PGPEP1L: variants seen among roughly 807,000 people sequenced by gnomAD.
PGPEP1L encodes the protein pyroglutamyl-peptidase I like, also known as pyroglutamyl-peptidase 1-like protein.
PGPEP1L carries 7 observed loss-of-function variants against 6.0 expected under a neutral mutation model. The ratio of observed to expected loss-of-function variants is 1.17; its 90% CI spans 0.66 to 2.19. PGPEP1L has a LOEUF of 2.19. Ranked by LOEUF, PGPEP1L falls within the 30% of genes most tolerant of loss-of-function variation. The probability of loss-of-function intolerance (pLI) is 0.00; values close to 1 mark genes in which losing one functional copy is unlikely to be tolerated. For synonymous variants in PGPEP1L, 103 were observed against 83.9 expected (o/e 1.23, Z -1.24); for missense variants, 209 against 192.5 (o/e 1.09, Z -0.51).
At chr15:98,995,265 G>A (rs1397718729) in intron 2 of PGPEP1L, among the ~76,000 whole-genome samples, 2 of 152,032 alleles carry the variant, frequency 1.3e-5, no homozygotes, top group Admixed American at 6.6e-5. Flanking sequence ...AGTATCTTCA[G>A]ATCTGTCTTC....
intron 2 of PGPEP1L, among the ~76,000 whole-genome samples, chr15:98,984,009 C>CTTTTTT (rs71456904): frequency 2.3e-4 from 27 of 115,730 alleles, no homozygotes; most frequent in African/African-American, 2.1e-4. Flanking sequence ...AGTAAGTAGT[C>CTTTTTT]TTTTTTTTTT....
intron 2 of PGPEP1L, among the ~76,000 whole-genome samples, chr15:98,984,038 T>C (rs796469177): frequency 2.6e-4 from 39 of 149,722 alleles, no homozygotes; most frequent in African/African-American, 9.4e-4. Flanking sequence ...TTTTTTCTAT[T>C]TTGAGTCTCA....
chr15:98,981,517 AC>A (rs1374448084), intron 2 of PGPEP1L, among the ~76,000 whole-genome samples: 1 of 141,816 alleles, frequency 7.1e-6, no homozygotes, highest in Admixed American at 7.0e-5. Flanking sequence ...CAAAAACAAA[AC>A]AAAAACAACA....
At chr15:98,999,235 T>C (rs527803863) in intron 2 of PGPEP1L, among the ~76,000 whole-genome samples, 31 of 152,184 alleles carry the variant, frequency 2.0e-4, no homozygotes, top group Non-Finnish European at 3.2e-4. Flanking sequence ...TAAAGAACTC[T>C]TGAAACTCAA....
Position 99,005,460 on chromosome 15 carries a change from C to G in PGPEP1L, c.-173G>C, listed in dbSNP as rs1459248753. On this transcript the variant is annotated 5_prime_UTR_variant, in exon 2 of 5. The change abolishes an upstream ATG in the 5' untranslated region. Coordinates refer to ENST00000535714, the MANE Select transcript of PGPEP1L (RefSeq NM_001167902.2). ...CCACCACGCAGCTGGGCTGGGAATC[C>G]ATGAAGACGAAGTGGGAGCTCGCGC... 2.0e-5 allele frequency: 3 copies of G among 152,544 alleles called. No homozygotes were observed. Among genetic ancestry groups the G allele is most frequent in the Non-Finnish European group, 4.4e-5 (3 of 68,076 alleles). The allele number at this position is 152,544 out of a possible 1,614,324, so 9.4% of individuals were successfully genotyped here.
intron 2 of PGPEP1L, chr15:99,001,206 A>G (rs1555472973): frequency 7.3e-6 from 3 of 413,610 alleles, no homozygotes; most frequent in Non-Finnish European, 1.5e-5. Flanking sequence ...CCGCGGCTTC[A>G]TTCTTGAAGT....
intron 2 of PGPEP1L, among the ~76,000 whole-genome samples, chr15:98,973,885 A>G (rs1350357603): frequency 6.6e-6 from 1 of 152,228 alleles, no homozygotes; most frequent in African/African-American, 2.4e-5. Context: ...AAACTAAAAA[A>G]GCAATACAAA....
chr15:98,999,802 G>A (rs2017934914), intron 2 of PGPEP1L, among the ~76,000 whole-genome samples: 1 of 152,242 alleles, frequency 6.6e-6, no homozygotes, highest in South Asian at 2.1e-4. Flanking sequence ...ACAAAATGTG[G>A]TATAATCCAC....
At chr15:98,981,003 TC>T (rs2017650945) in intron 2 of PGPEP1L, among the ~76,000 whole-genome samples, 1 of 151,578 alleles carries the variant, frequency 6.6e-6, no homozygotes, top group African/African-American at 2.4e-5. Context: ...CCAAGTAAGA[TC>T]AAGGTCATCA....
chr15:98,984,009 C>CTTTTTTTT (rs71456904), intron 2 of PGPEP1L, among the ~76,000 whole-genome samples: 66 of 115,732 alleles, frequency 5.7e-4, no homozygotes, highest in Admixed American at 7.4e-4. Context: ...AGTAAGTAGT[C>CTTTTTTTT]TTTTTTTTTT....
intron 2 of PGPEP1L, among the ~76,000 whole-genome samples, chr15:98,996,513 T>C (rs1327266903): frequency 1.6e-5 from 1 of 64,464 alleles, no homozygotes; most frequent in African/African-American, 6.9e-5. Flanking sequence ...CATGCATGTG[T>C]ATATAGGGGT....
chr15:98,985,109 G>A (rs1039945382), intron 2 of PGPEP1L, among the ~76,000 whole-genome samples: 16 of 152,178 alleles, frequency 1.1e-4, no homozygotes, highest in Admixed American at 8.5e-4. Context: ...CAGAGCTTGA[G>A]GAGGGGCAAA....
Position 98,982,233 on chromosome 15 carries a change from C to G in PGPEP1L, c.-141-11075G>C, listed in dbSNP as rs563622481. Among the ~76,000 whole-genome samples, 4 of 152,352 alleles carry G rather than the reference C, an allele frequency of 2.6e-5. 1 individual carries two copies. In the South Asian group the frequency reaches 8.3e-4, roughly 32 times the overall value. On this transcript the variant is annotated intron_variant, in intron 2 of 4. Coordinates refer to ENST00000535714, the MANE Select transcript of PGPEP1L (RefSeq NM_001167902.2). ...TCCTCCACCAAGGTGTGGATTCCAT[C>G]TGCACTCGCCTCGATCCTTGGGAGC... is the stretch of plus-strand genomic sequence containing the variant.
rs2018038355 is a variant in PGPEP1L, at chr15:99,005,432, T to C, written c.-145A>G. On this transcript the variant is annotated 5_prime_UTR_variant, in exon 2 of 5. Coordinates refer to ENST00000535714, the MANE Select transcript of PGPEP1L (RefSeq NM_001167902.2). ...GAAAAAAATTATGTAGTCTTACCAG[T>C]CACCACCACGCAGCTGGGCTGGGAA... The C allele has an allele frequency of 6.6e-6, 1 of 152,570 alleles. No individual in the cohort carries two copies. Among genetic ancestry groups the C allele is most frequent in the Non-Finnish European group, 1.5e-5 (1 of 68,096 alleles). The allele number at this position is 152,570 out of a possible 1,614,324, so 9.5% of individuals were successfully genotyped here. A position where few individuals can be genotyped will look rare whatever the true frequency, so the allele number is the denominator to read the frequency against.
intron 4 of PGPEP1L, among the ~76,000 whole-genome samples, chr15:98,969,080 G>A (rs1410684132): frequency 6.6e-6 from 1 of 152,194 alleles, no homozygotes; most frequent in East Asian, 1.9e-4. Context: ...TTTATCTGGG[G>A]CTACATCAAC....
intron 2 of PGPEP1L, among the ~76,000 whole-genome samples, chr15:98,981,567 G>A (rs2017664177): frequency 6.6e-6 from 1 of 151,210 alleles, no homozygotes; most frequent in South Asian, 2.1e-4. Flanking sequence ...CCACAGCCAA[G>A]ACAAGCCTAC....
chr15:98,969,496 G>A lies in PGPEP1L; in HGVS notation c.138C>T (p.Val46=). Reference sequence around the variant, plus strand: ...CGCGCTTGCAGACTGCCTTCATGCAGACCCCTGACTCCAGCACGTCTGGGC... The same window carrying A: ...CGCGCTTGCAGACTGCCTTCATGCAAACCCCTGACTCCAGCACGTCTGGGC... ...PGSPDVLESG[V]CMKAVCKRVA... The change falls in exon 4 of 5, where the codon GTC becomes GTT. Residue 46 remains valine, a synonymous_variant. Coordinates refer to ENST00000535714, the MANE Select transcript of PGPEP1L (RefSeq NM_001167902.2). The A allele has an allele frequency of 1.2e-6, 2 of 1,614,068 alleles. No individual in the cohort carries two copies. The highest frequency in any genetic ancestry group is 1.7e-6 in the Non-Finnish European group (2 of 1,179,918).
At chr15:98,990,553 A>G (rs1555471947) in intron 2 of PGPEP1L, among the ~76,000 whole-genome samples, 1 of 152,208 alleles carries the variant, frequency 6.6e-6, no homozygotes, top group Admixed American at 6.5e-5. Flanking sequence ...AAACAGATCA[A>G]TGAGACAGAA....
rs548258555 is a variant in PGPEP1L at position 98,978,818 on chromosome 15, C to T, written c.-141-7660G>A. 4.4e-3 allele frequency among the ~76,000 whole-genome samples: 663 copies of T among 149,688 alleles called. 4 individuals carry two copies. The highest frequency in any genetic ancestry group is 6.9e-3 in the Non-Finnish European group (466 of 67,588). On this transcript the variant is annotated intron_variant, in intron 2 of 4. Transcript: ENST00000535714. ...GATCTCGGCTCACCGCAACCTCCGC[C>T]TCCCGGGTTCAAGCAATTCTCCTGC...
Sources: gnomAD v4.1 joint callset for allele counts (sites outside exome capture counted in the v4.1 genomes callset) on GRCh38, gnomAD v4.1.1 for gene constraint, MANE v1.5 for transcripts, NCBI Gene and HGNC (gene_info 2026-07-23, HGNC 2026-07-21) for gene names.